The following TCF12 variants were observed in gnomAD, a reference collection of about 807,000 sequenced individuals.
TCF12 encodes transcription factor 12, also known as DNA-binding protein HTF4.
TCF12 carries 45 observed loss-of-function variants against 86.0 expected under a neutral mutation model. The observed-to-expected ratio is 0.52, with a 90% CI of 0.41 to 0.67. TCF12 has a LOEUF of 0.67. Among genes scored for constraint, TCF12 ranks in the 30% least tolerant of loss-of-function variants. The probability of loss-of-function intolerance (pLI) is 0.00; values close to 1 mark genes in which losing one functional copy is unlikely to be tolerated. For missense variants in TCF12, 881 were observed against 859.9 expected (o/e 1.02, Z -0.31); for synonymous variants, 330 against 299.6 (o/e 1.10, Z -1.05).
At chr15:57,169,979 C>T (rs72731974) in intron 6 of TCF12, among the ~76,000 whole-genome samples, 27,506 of 152,074 alleles carry the variant, frequency 0.18, 3,006 homozygotes, top group Non-Finnish European at 0.24. Context: ...AAATGTGTAG[C>T]GCTCTAATAA....
At chr15:57,073,174 C>G (rs1338380193) in intron 4 of TCF12, among the ~76,000 whole-genome samples, 1 of 152,186 alleles carries the variant, frequency 6.6e-6, no homozygotes, top group Non-Finnish European at 1.5e-5. Context: ...GATTAACTTT[C>G]TAGGCCCATG....
Position 56,925,247 on chromosome 15 carries a change from C to CT in TCF12, c.148+4149_148+4150insT, listed in dbSNP as rs1451599037. ...AAACAAATGGTGTCCACCGCCCCCC[C>CT]ACCCCCCCGCCCCAACCCCGTAGTC... On this transcript the variant is annotated intron_variant, in intron 3 of 20. Transcript: ENST00000333725. Among the ~76,000 whole-genome samples, 20 of 136,418 alleles carry CT rather than the reference C, an allele frequency of 1.5e-4. No homozygotes were observed. In the South Asian group the frequency reaches 5.8e-3, roughly 39 times the overall value. The allele number at this position is 136,418 out of a possible 152,430, so 89.5% of individuals were successfully genotyped here.
intron 6 of TCF12, among the ~76,000 whole-genome samples, chr15:57,185,745 G>T (rs2056630329): frequency 1.3e-5 from 2 of 152,276 alleles, no homozygotes; most frequent in Admixed American, 1.3e-4. Context: ...TTAGCCAGGT[G>T]TGGTGGTGCA....
chr15:57,000,724 C>A lies in TCF12; in HGVS notation c.149-63026C>A, dbSNP rs368696087. On this transcript the variant is annotated intron_variant, in intron 3 of 20. Transcript: ENST00000333725. ...AAAGGATGATGTTTTTCCAGTCTAA[C>A]TTTGTTTTTATTATCTGTGCCTCCT... Among the ~76,000 whole-genome samples, 16 of 152,102 alleles carry A rather than the reference C, an allele frequency of 1.1e-4. No homozygotes were observed. The East Asian group carries it at 2.9e-3, about 28-fold the overall frequency.
intron 5 of TCF12, among the ~76,000 whole-genome samples, chr15:57,134,813 G>A (rs2052401547): frequency 6.6e-6 from 1 of 151,218 alleles, no homozygotes; most frequent in Non-Finnish European, 1.5e-5. Flanking sequence ...AGAGGTTGGA[G>A]CTTACTGTAA....
chr15:57,287,332 T>G lies in TCF12; in HGVS notation c.*1187T>G, dbSNP rs1220165135. 1.3e-5 allele frequency: 2 copies of G among 152,668 alleles called. No individual in the cohort carries two copies. The highest frequency in any genetic ancestry group is 2.9e-5 in the Non-Finnish European group (2 of 68,056). The allele number at this position is 152,668 out of a possible 1,614,324, so 9.5% of individuals were successfully genotyped here. A position where few individuals can be genotyped will look rare whatever the true frequency, so the allele number is the denominator to read the frequency against. On this transcript the variant is annotated 3_prime_UTR_variant, in exon 21 of 21. Transcript: ENST00000333725. The stretch of plus-strand genomic sequence containing the variant: ...ATACAAGAGCAATGGTCACCCGTAT[T>G]TCCTTATCCTAGCCTTTATTTCTCT...
intron 5 of TCF12, among the ~76,000 whole-genome samples, chr15:57,117,997 C>G (rs956334942): frequency 9.9e-5 from 15 of 151,962 alleles, no homozygotes; most frequent in Non-Finnish European, 2.1e-4. Flanking sequence ...TGTCTGTTAT[C>G]TTTGTTCTAT....
intron 11 of TCF12, among the ~76,000 whole-genome samples, chr15:57,233,073 GTGTT>G (rs2059224156): frequency 6.7e-6 from 1 of 148,518 alleles, no homozygotes; most frequent in Non-Finnish European, 1.5e-5. Flanking sequence ...ATGTATATGT[GTGTT>G]TTTTATATAT....
At chr15:57,194,062 T>C (rs1174421276) in intron 7 of TCF12, among the ~76,000 whole-genome samples, 1 of 152,210 alleles carries the variant, frequency 6.6e-6, no homozygotes, top group Non-Finnish European at 1.5e-5. Flanking sequence ...GAGTATATAC[T>C]GTGACAAAAA....
intron 3 of TCF12, among the ~76,000 whole-genome samples, chr15:56,924,206 A>G (rs144020667): frequency 3.3e-5 from 5 of 152,298 alleles, no homozygotes; most frequent in East Asian, 1.9e-4. Flanking sequence ...GTTTCCTGCA[A>G]TAATAGCACC....
At chr15:56,921,417 A>G (rs1397646120) in intron 3 of TCF12, among the ~76,000 whole-genome samples, 1 of 109,606 alleles carries the variant, frequency 9.1e-6, no homozygotes, top group Admixed American at 8.9e-5. Flanking sequence ...TTACATTATG[A>G]TAATGTTTAG....
At chr15:57,095,853 T>C (rs1596502473) in intron 5 of TCF12, among the ~76,000 whole-genome samples, 1 of 152,268 alleles carries the variant, frequency 6.6e-6, no homozygotes. Flanking sequence ...TCTCATAAAT[T>C]TAATAACTTT....
intron 8 of TCF12, among the ~76,000 whole-genome samples, chr15:57,230,030 T>C (rs1421779510): frequency 6.6e-6 from 1 of 151,962 alleles, no homozygotes; most frequent in Admixed American, 6.6e-5. Flanking sequence ...TATCAAATTA[T>C]GTAGAAGAAC....
At chr15:56,980,642 A>T (rs1351524217) in intron 3 of TCF12, among the ~76,000 whole-genome samples, 1 of 152,118 alleles carries the variant, frequency 6.6e-6, no homozygotes, top group African/African-American at 2.4e-5. Flanking sequence ...GACACCTTAG[A>T]CTTAGCATTT....
intron 3 of TCF12, among the ~76,000 whole-genome samples, chr15:57,037,148 T>C (rs1368542251): frequency 6.6e-6 from 1 of 152,076 alleles, no homozygotes; most frequent in Non-Finnish European, 1.5e-5. Flanking sequence ...CTGTGCAGAT[T>C]TAAAAAGTAG....
intron 3 of TCF12, among the ~76,000 whole-genome samples, chr15:56,953,800 T>C (rs1466154058): frequency 5.3e-5 from 8 of 151,774 alleles, no homozygotes; most frequent in Non-Finnish European, 1.0e-4. Flanking sequence ...GTTTCTTCTT[T>C]TCTTGATCAC....
intron 3 of TCF12, among the ~76,000 whole-genome samples, chr15:56,970,353 A>G (rs1408775738): frequency 6.6e-6 from 1 of 151,716 alleles, no homozygotes; most frequent in African/African-American, 2.4e-5. Flanking sequence ...GGTGGCGCGC[A>G]CCTGTAGTCC....
intron 3 of TCF12, among the ~76,000 whole-genome samples, chr15:56,952,197 C>T (rs1451736380): frequency 1.3e-5 from 2 of 151,826 alleles, no homozygotes; most frequent in African/African-American, 4.8e-5. Flanking sequence ...TATACACACA[C>T]ACACACACAC....
At chr15:57,166,114 T>C (rs931646954) in intron 5 of TCF12, among the ~76,000 whole-genome samples, 2 of 152,132 alleles carry the variant, frequency 1.3e-5, no homozygotes, top group Non-Finnish European at 2.9e-5. Context: ...TAGAGAGGCT[T>C]CACTATTGCC....
Sources: allele counts gnomAD v4.1 joint callset (sites outside exome capture counted in the v4.1 genomes callset), GRCh38; gene constraint gnomAD v4.1.1; transcripts MANE v1.5; gene names NCBI Gene and HGNC (gene_info 2026-07-23, HGNC 2026-07-21).